Variants in ADRA1A observed in about 807,000 individuals in gnomAD.
ADRA1A encodes the protein adrenoceptor alpha 1A.
A neutral mutation model predicts 29.6 loss-of-function variants in ADRA1A; 31 were observed. That is an observed-to-expected ratio of 1.05 (90% CI 0.79 to 1.41). The LOEUF is 1.41. ADRA1A is among the 40% of genes most tolerant of loss of function. The probability of loss-of-function intolerance (pLI) is 0.00; values close to 1 mark genes in which losing one functional copy is unlikely to be tolerated. For synonymous variants in ADRA1A, 311 were observed against 254.3 expected (o/e 1.22, Z -2.12); for missense variants, 619 against 601.1 (o/e 1.03, Z -0.31).
At chr8:26,852,727 C>T (rs1812729435) in intron 2 of ADRA1A, among the ~76,000 whole-genome samples, 1 of 152,100 alleles carries the variant, frequency 6.6e-6, no homozygotes, top group Admixed American at 6.5e-5. Flanking sequence ...GCAAGTTTTT[C>T]AAACCTTCAA....
chr8:26,779,463 T>C lies in ADRA1A; in HGVS notation c.884-8797A>G, dbSNP rs540911711. The C allele has an allele frequency of 5.8e-6, 4 of 695,028 alleles. No homozygotes were observed. In the East Asian group the frequency reaches 1.1e-4, roughly 19 times the overall value. The allele number at this position is 695,028 out of a possible 1,614,324, so 43.1% of individuals were successfully genotyped here. ...AGTAAAGACTTAGAACAGTAATTGA[T>C]GCTACCCCTTCCTATCTGTAAGAGC... On this transcript the variant is annotated intron_variant, in intron 2 of 2. Transcript: ENST00000380573.
chr8:26,827,644 C>T (rs780442436), intron 2 of ADRA1A, among the ~76,000 whole-genome samples: 2 of 151,474 alleles, frequency 1.3e-5, no homozygotes, highest in Non-Finnish European at 2.9e-5. Context: ...TTTTTAGCAA[C>T]AAGAATGCTC....
intron 2 of ADRA1A, among the ~76,000 whole-genome samples, chr8:26,780,029 C>T (rs1003813788): frequency 2.0e-5 from 3 of 152,108 alleles, no homozygotes; most frequent in African/African-American, 4.8e-5. Flanking sequence ...AAGGGAACCT[C>T]ATAATGGGGT....
chr8:26,771,406 G>C (rs1170063727), intron 2 of ADRA1A, among the ~76,000 whole-genome samples: 1 of 150,512 alleles, frequency 6.6e-6, no homozygotes, highest in East Asian at 2.0e-4. Context: ...TTTTTCTCCA[G>C]GTCATTGATC....
chr8:26,770,532 C>T lies in ADRA1A; in HGVS notation c.1018G>A (p.Val340Ile). Reference protein sequence around the residue: ...SQEFKKAFQNVLRIQCLCRKQ... With the variant: ...SQEFKKAFQNILRIQCLCRKQ... ...CTGCAGAGACACTGGATTCTCAAGA[C>T]ATTCTGAAAGGCCTTTTTGAACTCT... Residue 340 changes from valine to isoleucine, a missense_variant, in exon 3 of 3, where the codon GTC (valine) becomes ATC (isoleucine). Val to Ile is a conservative substitution (Grantham distance 29). Coordinates refer to ENST00000380573, the MANE Select transcript of ADRA1A (RefSeq NM_000680.4). 6.2e-7 allele frequency: 1 copy of T among 1,614,158 alleles called. No homozygotes were observed. The highest frequency in any genetic ancestry group is 8.5e-7 in the Non-Finnish European group (1 of 1,180,032).
intron 2 of ADRA1A, among the ~76,000 whole-genome samples, chr8:26,858,161 G>A (rs1284312826): frequency 6.6e-6 from 1 of 152,156 alleles, no homozygotes; most frequent in Admixed American, 6.5e-5. Flanking sequence ...AATATTCTAT[G>A]TCTATGTAAG....
intron 2 of ADRA1A, chr8:26,779,453 C>T (rs61760541): frequency 7.1e-6 from 5 of 699,600 alleles, no homozygotes; most frequent in Non-Finnish European, 1.3e-5. Context: ...AGACTTAGAA[C>T]AGTAATTGAT....
downstream of ADRA1A, among the ~76,000 whole-genome samples, chr8:26,767,276 T>A (rs994811595): frequency 2.6e-5 from 4 of 152,164 alleles, no homozygotes; most frequent in Admixed American, 1.3e-4. Context: ...TTCCTCAAAC[T>A]CCAAATAGAA....
intron 2 of ADRA1A, among the ~76,000 whole-genome samples, chr8:26,818,293 A>C (rs1809904283): frequency 6.6e-6 from 1 of 152,338 alleles, no homozygotes; most frequent in Non-Finnish European, 1.5e-5. Context: ...GGACACTACA[A>C]AGATAAATTT....
chr8:26,833,545 A>C lies in ADRA1A; in HGVS notation c.883+30542T>G, dbSNP rs975356379. ...CAACTGCTCTGACCCAGCACAAACT[A>C]AGAAGCTCAGCAATGACTCAGTCAC... is the stretch of plus-strand genomic sequence containing the variant. On this transcript the variant is annotated intron_variant, in intron 2 of 2. Transcript: ENST00000380573. Among the ~76,000 whole-genome samples, 9 of 152,376 alleles carry C rather than the reference A, an allele frequency of 5.9e-5. No homozygotes were observed. The East Asian group carries it at 1.7e-3, about 29-fold the overall frequency.
In ADRA1A at chr8:26,770,537, T is replaced by G; in HGVS notation, c.1013A>C (p.Gln338Pro). ...CSSQEFKKAF[Q>P]NVLRIQCLCR... is the part of the protein sequence containing the mutation. The stretch of plus-strand genomic sequence containing the variant: ...GAGACACTGGATTCTCAAGACATTC[T>G]GAAAGGCCTTTTTGAACTCTTGGCT... The change falls in exon 3 of 3, where the codon CAG becomes CCG. Residue 338 changes from glutamine (Q) to proline (P), a missense_variant. By Grantham distance (76) the Gln-to-Pro change is moderately conservative. Coordinates refer to ENST00000380573, the MANE Select transcript of ADRA1A (RefSeq NM_000680.4). The G allele has an allele frequency of 6.2e-7, 1 of 1,614,204 alleles. No individual in the cohort carries two copies. Among genetic ancestry groups the G allele is most frequent in the Non-Finnish European group, 8.5e-7 (1 of 1,180,020 alleles).
intron 2 of ADRA1A, among the ~76,000 whole-genome samples, chr8:26,749,540 C>A (rs1191036041): frequency 1.3e-5 from 2 of 152,130 alleles, no homozygotes; most frequent in African/African-American, 4.8e-5. Context: ...AGTAAACTCA[C>A]AATAAAATGG....
chr8:26,853,923 A>G (rs2130756018), intron 2 of ADRA1A: 1 of 152,368 alleles, frequency 6.6e-6, no homozygotes, highest in Non-Finnish European at 1.5e-5. Flanking sequence ...ATAGTTTTAA[A>G]TATGTATAAG....
intron 2 of ADRA1A, among the ~76,000 whole-genome samples, chr8:26,828,292 T>G (rs1047235113): frequency 3.9e-5 from 6 of 152,224 alleles, no homozygotes; most frequent in African/African-American, 1.2e-4. Context: ...TTCTTTTTTT[T>G]CTTTTGTCGA....
At position 26,806,113 on chromosome 8, in the gene ADRA1A, A is replaced by G. The variant is rs781030756; in HGVS notation, c.884-35447T>C. Among the ~76,000 whole-genome samples the G allele has an allele frequency of 7.3e-5, 11 of 151,384 alleles. No homozygotes were observed. The highest frequency in any genetic ancestry group is 1.5e-4 in the Non-Finnish European group (10 of 67,638). ...CTTTACCTAATGACCGAACTCCCGA[A>G]TGTTCCCATTCTGTCCTGCCTCTCT... On this transcript the variant is annotated intron_variant, in intron 2 of 2. Transcript: ENST00000380573. The surrounding 1 kb of genome is among the most constrained non-coding windows in gnomAD (Gnocchi z 4.6).
chr8:26,838,735 A>ACT (rs1811574929), intron 2 of ADRA1A, among the ~76,000 whole-genome samples: 1 of 152,234 alleles, frequency 6.6e-6, no homozygotes, highest in Non-Finnish European at 1.5e-5. Flanking sequence ...ACTATCAAAA[A>ACT]AGTGGTAGAA....
At chr8:26,766,203 G>T, downstream of ADRA1A, 1 of 1,176,732 alleles carries the variant, frequency 8.5e-7, no homozygotes, top group Non-Finnish European at 1.3e-6. Flanking sequence ...GAGTTATGTC[G>T]TATTTGCTTT....
intron 2 of ADRA1A, among the ~76,000 whole-genome samples, chr8:26,829,987 G>A (rs1418194119): frequency 1.3e-5 from 2 of 152,118 alleles, no homozygotes; most frequent in Non-Finnish European, 1.5e-5. Context: ...GGGAAGGATT[G>A]TGGTATTTCA....
At chr8:26,820,337 T>C (rs1329906197) in intron 2 of ADRA1A, among the ~76,000 whole-genome samples, 1 of 152,254 alleles carries the variant, frequency 6.6e-6, no homozygotes, top group Non-Finnish European at 1.5e-5. Context: ...GATCATATAC[T>C]GGACCACAGA....
Sources: gnomAD v4.1 joint callset for allele counts (sites outside exome capture counted in the v4.1 genomes callset) on GRCh38, gnomAD v4.1.1 for gene constraint, Gnocchi (gnomAD v3.1) non-coding constraint, MANE v1.5 for transcripts, NCBI Gene and HGNC (gene_info 2026-07-23, HGNC 2026-07-21) for gene names.